The following CCDC169 variants were observed in gnomAD, a reference collection of about 807,000 sequenced individuals.
CCDC169 encodes the protein coiled-coil domain containing 169.
A neutral mutation model predicts 36.0 loss-of-function variants in CCDC169; 30 were observed. The observed-to-expected ratio is 0.83, with a 90% CI of 0.62 to 1.13. The LOEUF is 1.13. Ranked by LOEUF, CCDC169 falls within the 50% of genes most tolerant of loss-of-function variation. CCDC169 has a pLI of 0.00. For missense variants in CCDC169, 245 were observed against 245.9 expected, an observed-to-expected ratio of 1.00 and a Z score of 0.03; for synonymous variants, 85 against 81.5, an observed-to-expected ratio of 1.04 and a Z score of -0.23.
At chr13:36,267,342 T>C (rs1272598466) in intron 4 of CCDC169, 3 of 152,188 alleles carry the variant, frequency 2.0e-5, no homozygotes, top group South Asian at 2.1e-4. Flanking sequence ...GCCAATAATT[T>C]TGTATCCAGC....
At chr13:36,222,479 C>G (rs1382398821), downstream of CCDC169, 1 of 152,194 alleles carries the variant, frequency 6.6e-6, no homozygotes, top group Non-Finnish European at 1.5e-5. Flanking sequence ...CAGAGTGCCA[C>G]ACAGGCCTGT....
In CCDC169 at chr13:36,285,603, A is replaced by ATAGATAGATAGC. The variant is rs1555254451; in HGVS notation, c.164-1902_164-1901insGCTATCTATCTA. Among the ~76,000 whole-genome samples the ATAGATAGATAGC allele has an allele frequency of 2.4e-3, 356 of 148,262 alleles. 2 individuals are homozygous for ATAGATAGATAGC. Among genetic ancestry groups the ATAGATAGATAGC allele is most frequent in the Middle Eastern group, 0.01 (3 of 292 alleles). On this transcript the variant is annotated intron_variant, in intron 2 of 7. Transcript: ENST00000239859. The stretch of plus-strand genomic sequence containing the variant: ...TAAAATAAGATAGATAGATAGATAG[A>ATAGATAGATAGC]TAGATAGATAGATAGATACATAGAT...
At chr13:36,245,697 A>C (rs905882111) in intron 7 of CCDC169, among the ~76,000 whole-genome samples, 1 of 152,234 alleles carries the variant, frequency 6.6e-6, no homozygotes, top group African/African-American at 2.4e-5. Flanking sequence ...TCCAGTGAAC[A>C]TATTTCCTGA....
chr13:36,249,500 G>A (rs1410624), intron 6 of CCDC169, among the ~76,000 whole-genome samples: 61,581 of 151,898 alleles, frequency 0.41, 13,258 homozygotes, highest in Non-Finnish European at 0.48. Context: ...AAGCATGATG[G>A]CGGGGTCACA....
At chr13:36,260,411 A>G (rs1350028654) in intron 4 of CCDC169, among the ~76,000 whole-genome samples, 2 of 152,202 alleles carry the variant, frequency 1.3e-5, no homozygotes, top group Non-Finnish European at 2.9e-5. Context: ...ATCCAAATAT[A>G]GGAAAAAGTG....
intron 4 of CCDC169, among the ~76,000 whole-genome samples, chr13:36,264,697 T>C (rs1190184032): frequency 6.6e-6 from 1 of 152,208 alleles, no homozygotes; most frequent in Non-Finnish European, 1.5e-5. Flanking sequence ...TATATCTTGC[T>C]GCTATTCCCA....
chr13:36,279,638 C>T (rs1203712856), intron 4 of CCDC169, among the ~76,000 whole-genome samples: 1 of 152,094 alleles, frequency 6.6e-6, no homozygotes, highest in African/African-American at 2.4e-5. Flanking sequence ...CATAACCTAC[C>T]AAAGTTTATG....
At chr13:36,262,378 G>A (rs1361486370) in intron 4 of CCDC169, among the ~76,000 whole-genome samples, 4 of 152,184 alleles carry the variant, frequency 2.6e-5, no homozygotes, top group Non-Finnish European at 2.9e-5. Flanking sequence ...CTCCTTCTGG[G>A]TGTGAAAGTA....
intron 7 of CCDC169, among the ~76,000 whole-genome samples, chr13:36,246,614 T>A (rs978748): frequency 6.6e-6 from 1 of 152,360 alleles, no homozygotes; most frequent in African/African-American, 2.4e-5. Flanking sequence ...AGTGAAGCAG[T>A]AAGTGCTGAT....
At chr13:36,272,059 C>T (rs1370694269) in intron 4 of CCDC169, among the ~76,000 whole-genome samples, 3 of 144,358 alleles carry the variant, frequency 2.1e-5, no homozygotes, top group Admixed American at 7.1e-5. Context: ...CACTCGCGCC[C>T]GGGTGACAGA....
At chr13:36,255,158 A>C (rs967580869) in intron 4 of CCDC169, among the ~76,000 whole-genome samples, 2 of 152,152 alleles carry the variant, frequency 1.3e-5, no homozygotes, top group Admixed American at 6.5e-5. Context: ...TTCTTGGGCC[A>C]GTTCTAGGAA....
At chr13:36,272,888 A>G (rs1876289515) in intron 4 of CCDC169, among the ~76,000 whole-genome samples, 1 of 152,172 alleles carries the variant, frequency 6.6e-6, no homozygotes, top group Non-Finnish European at 1.5e-5. Context: ...GGTCCCAGTG[A>G]CCAACTGTTC....
intron 2 of CCDC169, among the ~76,000 whole-genome samples, chr13:36,289,205 A>G (rs1367994956): frequency 6.6e-6 from 1 of 152,172 alleles, no homozygotes; most frequent in African/African-American, 2.4e-5. Flanking sequence ...CATATCTCAG[A>G]AGTTCAACTA....
At chr13:36,272,989 G>C (rs896657024) in intron 4 of CCDC169, among the ~76,000 whole-genome samples, 12 of 152,116 alleles carry the variant, frequency 7.9e-5, no homozygotes, top group Admixed American at 6.5e-5. Context: ...GCACTAAGCA[G>C]GTCAGAAGAG....
At chr13:36,234,549 A>G (rs1463709278) in intron 7 of CCDC169, among the ~76,000 whole-genome samples, 2 of 152,180 alleles carry the variant, frequency 1.3e-5, no homozygotes, top group Admixed American at 6.5e-5. Flanking sequence ...TCAAAAGCCA[A>G]TACAAACAGG....
At chr13:36,279,647 T>C (rs1877256695) in intron 4 of CCDC169, among the ~76,000 whole-genome samples, 2 of 152,184 alleles carry the variant, frequency 1.3e-5, no homozygotes, top group African/African-American at 2.4e-5. Flanking sequence ...CCAAAGTTTA[T>C]GGATCACTGC....
downstream of CCDC169, chr13:36,227,263 A>G: frequency 1.3e-6 from 2 of 1,551,472 alleles, no homozygotes; most frequent in African/African-American, 1.4e-5. Flanking sequence ...CAGGCGGGCC[A>G]GAGTGCTTTT....
chr13:36,238,343 G>T (rs9546829), intron 7 of CCDC169, among the ~76,000 whole-genome samples: 61,635 of 152,008 alleles, frequency 0.41, 13,272 homozygotes, highest in Non-Finnish European at 0.48. Flanking sequence ...CATAGCTCAC[G>T]GCAGCCTTCA....
At chr13:36,282,666 T>C (rs562661198) in intron 4 of CCDC169, 202 of 391,382 alleles carry the variant, frequency 5.2e-4, no homozygotes, top group Non-Finnish European at 6.5e-4. Context: ...TCTCTGTCTC[T>C]GGATCTAAAT....
Sources: allele counts gnomAD v4.1 joint callset (sites outside exome capture counted in the v4.1 genomes callset), GRCh38; gene constraint gnomAD v4.1.1; transcripts MANE v1.5; gene names NCBI Gene and HGNC (gene_info 2026-07-23, HGNC 2026-07-21).